Variants in AGTPBP1 observed in about 807,000 individuals in gnomAD.
The protein encoded by AGTPBP1 is cytosolic carboxypeptidase 1.
AGTPBP1 carries 70 observed loss-of-function variants against 143.9 expected under a neutral mutation model. The observed-to-expected ratio is 0.49, with a 90% CI of 0.40 to 0.59. The LOEUF is 0.59. Ranked by LOEUF, AGTPBP1 falls within the 20% of genes least tolerant of loss-of-function variation. The probability of loss-of-function intolerance (pLI) is 0.00; values close to 1 mark genes in which losing one functional copy is unlikely to be tolerated. For missense variants in AGTPBP1, 1,229 were observed against 1,464.5 expected (o/e 0.84, Z 2.62); for synonymous variants, 463 against 500.2 (o/e 0.93, Z 0.99).
chr9:85,602,294 A>G (rs749083529), intron 17 of AGTPBP1, among the ~76,000 whole-genome samples: 1 of 152,326 alleles, frequency 6.6e-6, no homozygotes, highest in South Asian at 2.1e-4. Flanking sequence ...AACAAAACAG[A>G]TATCATTTTT....
At chr9:85,689,925 A>AAAAATATATAT (rs58719163) in intron 3 of AGTPBP1, among the ~76,000 whole-genome samples, 10 of 72,488 alleles carry the variant, frequency 1.4e-4, no homozygotes, top group Admixed American at 3.3e-4. Flanking sequence ...AAAAAAAAAA[A>AAAAATATATAT]ATATATATAT....
At chr9:85,698,451 A>G (rs1357184376) in intron 2 of AGTPBP1, among the ~76,000 whole-genome samples, 4 of 152,190 alleles carry the variant, frequency 2.6e-5, no homozygotes, top group African/African-American at 9.7e-5. Context: ...ACTCAGCTCT[A>G]AAATTTGTTA....
Position 85,592,642 on chromosome 9 carries a change from A to T in AGTPBP1, c.2486T>A (p.Ile829Asn). 3 of 1,612,310 alleles carry T rather than the reference A, an allele frequency of 1.9e-6. No homozygotes were observed. In the South Asian group the frequency reaches 3.3e-5, roughly 18 times the overall value. The change falls in exon 19 of 26, where the codon ATT (isoleucine) becomes AAT (asparagine). Residue 829 changes from isoleucine (I) to asparagine (N), a missense_variant. Physicochemically the swap from Ile to Asn is moderately radical, Grantham distance 149. Transcript: ENST00000357081. ...ATGTGGAAAATTGACAGTAAATGTAATTGTATAGTAGGATTTTCCCTTTTG... is the reference window on the plus strand; with the variant it reads ...ATGTGGAAAATTGACAGTAAATGTATTTGTATAGTAGGATTTTCCCTTTTG... ...GGQKGKSYYT[I>N]TFTVNFPHKD... is the part of the protein sequence containing the mutation.
chr9:85,783,627 T>G, the AGTPBP1 span, among the ~76,000 whole-genome samples: 1 of 150,972 alleles, frequency 6.6e-6, no homozygotes, highest in Non-Finnish European at 1.5e-5. Context: ...GGTGCATTGT[T>G]TTTTTTTTGT....
the AGTPBP1 span, among the ~76,000 whole-genome samples, chr9:85,792,429 C>G: frequency 2.0e-5 from 3 of 152,314 alleles, no homozygotes; most frequent in African/African-American, 7.2e-5. Context: ...TTTTGAAATT[C>G]CCATCACCTG....
intron 19 of AGTPBP1, among the ~76,000 whole-genome samples, chr9:85,590,560 T>C (rs1032680520): frequency 1.3e-5 from 2 of 152,184 alleles, no homozygotes; most frequent in African/African-American, 4.8e-5. Context: ...GAGTGGTCAC[T>C]ATTTTCCAGA....
At chr9:85,680,448 G>C (rs1835097541) in intron 4 of AGTPBP1, among the ~76,000 whole-genome samples, 1 of 152,100 alleles carries the variant, frequency 6.6e-6, no homozygotes, top group Admixed American at 6.5e-5. Context: ...GCCAGGCATG[G>C]TGGTGTGCAC....
the AGTPBP1 span, among the ~76,000 whole-genome samples, chr9:85,802,016 T>C: frequency 6.6e-6 from 1 of 152,154 alleles, no homozygotes; most frequent in Non-Finnish European, 1.5e-5. Flanking sequence ...GTGTCTCAAT[T>C]CCTTTACCTC....
intron 2 of AGTPBP1, among the ~76,000 whole-genome samples, chr9:85,706,937 A>G (rs1837050554): frequency 6.6e-6 from 1 of 151,932 alleles, no homozygotes; most frequent in Non-Finnish European, 1.5e-5. Context: ...GGTAGACTAT[A>G]TATTTTAAAA....
rs7870593 is a variant in AGTPBP1 at position 85,596,232 on chromosome 9, T to C, written c.2423+130A>G. 734 of 621,474 alleles carry C rather than the reference T, an allele frequency of 1.2e-3. 4 individuals are homozygous for C. The highest frequency in any genetic ancestry group is 0.011 in the African/African-American group (596 of 54,202). 38.5% of individuals were successfully genotyped at this position (621,474 alleles called of 1,614,324 possible). A position where few individuals can be genotyped will look rare whatever the true frequency, so the allele number is the denominator to read the frequency against. ...CAAGTTCAAAAGGACTCTTTAGAATTACTAAAGCATAGCACCACAATTCAA... is the reference window on the plus strand; with the variant it reads ...CAAGTTCAAAAGGACTCTTTAGAATCACTAAAGCATAGCACCACAATTCAA... On this transcript the variant is annotated intron_variant, in intron 18 of 25. Coordinates refer to ENST00000357081, the MANE Select transcript of AGTPBP1 (RefSeq NM_001330701.2).
chr9:85,686,601 G>T (rs1407788107), intron 3 of AGTPBP1, among the ~76,000 whole-genome samples: 1 of 152,058 alleles, frequency 6.6e-6, no homozygotes, highest in Non-Finnish European at 1.5e-5. Flanking sequence ...TCTTTATAAA[G>T]CATAAGATTG....
At chr9:85,548,021 C>A (rs956786535) in intron 25 of AGTPBP1, among the ~76,000 whole-genome samples, 3 of 152,140 alleles carry the variant, frequency 2.0e-5, no homozygotes, top group Non-Finnish European at 4.4e-5. Context: ...TTACACCCCC[C>A]CACACAAAAT....
chr9:85,714,420 CAATGGAAGAGATGAAG>C (rs1469699344), intron 1 of AGTPBP1, among the ~76,000 whole-genome samples: 4 of 152,148 alleles, frequency 2.6e-5, no homozygotes, highest in Admixed American at 6.5e-5. Flanking sequence ...ATGAGGATAA[CAATGGAAGAGATGAAG>C]AATGAAGCTG....
intron 2 of AGTPBP1, among the ~76,000 whole-genome samples, chr9:85,702,507 A>G (rs1004944606): frequency 5.3e-5 from 8 of 149,790 alleles, no homozygotes; most frequent in Admixed American, 2.7e-4. Context: ...TCACAATATC[A>G]TCTCTCAATT....
At chr9:85,628,423 T>C (rs1831436619) in intron 14 of AGTPBP1, among the ~76,000 whole-genome samples, 1 of 152,158 alleles carries the variant, frequency 6.6e-6, no homozygotes, top group Non-Finnish European at 1.5e-5. Context: ...CAGTCAAACT[T>C]GGTAAGAGTC....
At chr9:85,620,835 G>A (rs1403326078) in intron 15 of AGTPBP1, among the ~76,000 whole-genome samples, 1 of 152,124 alleles carries the variant, frequency 6.6e-6, no homozygotes, top group East Asian at 1.9e-4. Flanking sequence ...ATGAAATGAA[G>A]GCTCAGTATT....
At position 85,547,349 on chromosome 9, in the gene AGTPBP1, T is replaced by C. The variant is rs540519412; in HGVS notation, c.3504-63A>G. On this transcript the variant is annotated intron_variant, in intron 25 of 25. Coordinates refer to ENST00000357081, the MANE Select transcript of AGTPBP1 (RefSeq NM_001330701.2). Reference sequence around the variant, plus strand: ...AGGTCTTAAGGTCCTAATATAAGATTATTTCACCATACTGGACTAACTTTG... The same window carrying C: ...AGGTCTTAAGGTCCTAATATAAGATCATTTCACCATACTGGACTAACTTTG... 1.3e-5 allele frequency: 17 copies of C among 1,355,416 alleles called. No homozygotes were observed. The South Asian group carries it at 3.0e-4, about 24-fold the overall frequency. 84.0% of individuals were successfully genotyped at this position (1,355,416 alleles called of 1,614,324 possible).
In AGTPBP1 at chr9:85,588,005, G is replaced by A. The variant is rs182337449; in HGVS notation, c.2903+293C>T. Among the ~76,000 whole-genome samples the A allele has an allele frequency of 2.6e-3, 400 of 152,154 alleles. 1 individual carries two copies. Among genetic ancestry groups the A allele is most frequent in the African/African-American group, 9.4e-3 (392 of 41,536 alleles). On this transcript the variant is annotated intron_variant, in intron 21 of 25. Transcript: ENST00000357081. ...TATGAGTTAACCTTTCTTACAACCTGACATTGTGATTTTTCTAAAACAATT... is the reference window on the plus strand; with the variant it reads ...TATGAGTTAACCTTTCTTACAACCTAACATTGTGATTTTTCTAAAACAATT...
chr9:85,746,271 G>T (rs952993390), upstream of AGTPBP1, among the ~76,000 whole-genome samples: 1 of 152,060 alleles, frequency 6.6e-6, no homozygotes, highest in African/African-American at 2.4e-5. Flanking sequence ...TTCCCAAAAA[G>T]CTGCCTCTCT....
Sources: gnomAD v4.1 joint callset for allele counts (sites outside exome capture counted in the v4.1 genomes callset) on GRCh38, gnomAD v4.1.1 for gene constraint, MANE v1.5 for transcripts, NCBI Gene and HGNC (gene_info 2026-07-23, HGNC 2026-07-21) for gene names.